The following XIRP2 variants were observed in gnomAD, a reference collection of about 807,000 sequenced individuals.
XIRP2 encodes xin actin-binding repeat-containing protein 2.
Under a neutral mutation model 277.0 loss-of-function variants are expected in XIRP2, and 236 were observed. The observed-to-expected ratio is 0.85, with a 90% CI of 0.77 to 0.95. The LOEUF is 0.95. Ranked by LOEUF, XIRP2 falls within the 40% of genes least tolerant of loss-of-function variation. XIRP2 has a pLI of 0.00. For synonymous variants in XIRP2, 1,490 were observed against 1,416.5 expected, an observed-to-expected ratio of 1.05 and a Z score of -1.17; for missense variants, 4,640 against 4,157.5, an observed-to-expected ratio of 1.12 and a Z score of -3.19.
At chr2:167,026,014 A>G (rs758531954) in intron 2 of XIRP2, among the ~76,000 whole-genome samples, 13 of 152,120 alleles carry the variant, frequency 8.5e-5, no homozygotes, top group South Asian at 4.2e-4. Context: ...TATCCTTGTT[A>G]ACTTTCTGTC....
intron 2 of XIRP2, among the ~76,000 whole-genome samples, chr2:167,135,227 T>C (rs947114599): frequency 3.9e-5 from 6 of 152,164 alleles, no homozygotes; most frequent in East Asian, 1.9e-4. Context: ...TTTGTTTTAT[T>C]TGATTACATT....
At chr2:166,987,068 TTAATC>T (rs1220636668) in intron 2 of XIRP2, among the ~76,000 whole-genome samples, 1 of 152,160 alleles carries the variant, frequency 6.6e-6, no homozygotes, top group Non-Finnish European at 1.5e-5. Flanking sequence ...TTAATGACAT[TTAATC>T]TAGTATAAAC....
intron 2 of XIRP2, among the ~76,000 whole-genome samples, chr2:167,064,324 G>C (rs7607326): frequency 9.2e-5 from 14 of 151,628 alleles, no homozygotes; most frequent in African/African-American, 3.1e-4. Flanking sequence ...TCTTTAACCT[G>C]CACTTTGCTT....
chr2:167,218,394 T>G, intron 5 of XIRP2, 94 bp downstream of exon 5: 1 of 1,152,454 alleles, frequency 8.7e-7, no homozygotes. Flanking sequence ...AGTGATACAT[T>G]TATTTTCATT....
chr2:166,927,863 A>G (rs924129379), intron 2 of XIRP2, among the ~76,000 whole-genome samples: 1 of 152,128 alleles, frequency 6.6e-6, no homozygotes, highest in Non-Finnish European at 1.5e-5. Context: ...CAAAGCCATG[A>G]ATATGCTTTT....
chr2:166,890,400 C>T (rs1027122068), intron 1 of XIRP2, among the ~76,000 whole-genome samples: 8 of 152,076 alleles, frequency 5.3e-5, no homozygotes, highest in Non-Finnish European at 1.2e-4. Context: ...GACCTTGAAA[C>T]TAGCTGAAAC....
At chr2:167,034,756 G>A (rs1166795556) in intron 2 of XIRP2, among the ~76,000 whole-genome samples, 6 of 152,068 alleles carry the variant, frequency 3.9e-5, no homozygotes, top group Non-Finnish European at 5.9e-5. Context: ...AAATATTTAC[G>A]CACCCAATGC....
chr2:166,890,060 A>G (rs1684063828), intron 1 of XIRP2, among the ~76,000 whole-genome samples: 1 of 150,194 alleles, frequency 6.7e-6, no homozygotes, highest in Non-Finnish European at 1.5e-5. Context: ...TAGTGGTGTG[A>G]TCTCGGCTCA....
intron 5 of XIRP2, among the ~76,000 whole-genome samples, chr2:167,232,935 G>A (rs1694802601): frequency 6.6e-6 from 1 of 151,864 alleles, no homozygotes; most frequent in African/African-American, 2.4e-5. Flanking sequence ...ATTCAATTAT[G>A]TGTATGACAT....
intron 10 of XIRP2, among the ~76,000 whole-genome samples, 163 bp downstream of exon 10, chr2:167,254,328 C>T (rs1012677883): frequency 6.6e-6 from 1 of 151,924 alleles, no homozygotes; most frequent in Non-Finnish European, 1.5e-5. Context: ...ATTTCTGCGA[C>T]CTTTTTCCTT....
chr2:167,132,150 C>G (rs1195072783), intron 2 of XIRP2, among the ~76,000 whole-genome samples: 4 of 152,090 alleles, frequency 2.6e-5, no homozygotes, highest in African/African-American at 7.2e-5. Context: ...AGATCATCAT[C>G]ACTTGCCTGC....
At chr2:167,128,352 C>T (rs540194215) in intron 2 of XIRP2, among the ~76,000 whole-genome samples, 63 of 152,110 alleles carry the variant, frequency 4.1e-4, no homozygotes, top group Non-Finnish European at 4.4e-4. Flanking sequence ...AAACTGTGTG[C>T]GTCCACTTAC....
In XIRP2 at chr2:167,247,089, T is replaced by C. The variant is rs1695295726; in HGVS notation, c.5697T>C (p.Ile1899=). 6.2e-7 allele frequency: 1 copy of C among 1,612,658 alleles called. No individual in the cohort carries two copies. Among genetic ancestry groups the C allele is most frequent in the Non-Finnish European group, 8.5e-7 (1 of 1,179,568 alleles). ...TCCCTGGTGATATTGAAAAAGCTAT[T>C]GAATGCCTTGAAAAAGCTACAAATA... ...DAIPGDIEKA[I]ECLEKATNTK... is the part of the protein sequence containing the mutation. Residue 1899 remains isoleucine (I), a synonymous_variant, in exon 9 of 11, where the codon ATT becomes ATC. Coordinates refer to ENST00000409195, the MANE Select transcript of XIRP2 (RefSeq NM_152381.6).
At chr2:167,027,149 C>G (rs1688185620) in intron 2 of XIRP2, among the ~76,000 whole-genome samples, 1 of 152,134 alleles carries the variant, frequency 6.6e-6, no homozygotes, top group South Asian at 2.1e-4. Flanking sequence ...ACCAATCAGA[C>G]CTAGATTTGG....
chr2:167,211,540 T>C (rs1694047512), intron 4 of XIRP2, among the ~76,000 whole-genome samples: 1 of 152,218 alleles, frequency 6.6e-6, no homozygotes, highest in Non-Finnish European at 1.5e-5. Flanking sequence ...GTGTTATTAT[T>C]ATCATCATTA....
intron 3 of XIRP2, among the ~76,000 whole-genome samples, chr2:167,145,324 G>A (rs1409103046): frequency 6.6e-6 from 1 of 152,032 alleles, no homozygotes; most frequent in African/African-American, 2.4e-5. Flanking sequence ...CCACCAAATG[G>A]AAGGGGAAAT....
At chr2:166,943,358 T>C (rs1685771418) in intron 2 of XIRP2, among the ~76,000 whole-genome samples, 1 of 152,212 alleles carries the variant, frequency 6.6e-6, no homozygotes, top group African/African-American at 2.4e-5. Context: ...TTGGGGACTA[T>C]CATGAAATGG....
intron 2 of XIRP2, among the ~76,000 whole-genome samples, chr2:166,981,031 A>G (rs1310055190): frequency 6.6e-6 from 1 of 152,146 alleles, no homozygotes; most frequent in Non-Finnish European, 1.5e-5. Context: ...GAGTATTAGT[A>G]TGTTTACTGC....
At chr2:167,127,082 C>A (rs930838854) in intron 2 of XIRP2, among the ~76,000 whole-genome samples, 3 of 152,142 alleles carry the variant, frequency 2.0e-5, no homozygotes, top group African/African-American at 7.2e-5. Flanking sequence ...CCTAGGCTAC[C>A]TCCTAATTGC....
Sources: gnomAD v4.1 joint callset for allele counts (sites outside exome capture counted in the v4.1 genomes callset) on GRCh38, gnomAD v4.1.1 for gene constraint, MANE v1.5 for transcripts, NCBI Gene and HGNC (gene_info 2026-07-23, HGNC 2026-07-21) for gene names.